The following CAST variants were observed in gnomAD, a reference collection of about 807,000 sequenced individuals.
The protein encoded by CAST is MIR583 host.
CAST carries 76 observed loss-of-function variants against 119.6 expected under a neutral mutation model. The ratio of observed to expected loss-of-function variants is 0.64; its 90% CI spans 0.53 to 0.77. CAST has a LOEUF of 0.77. Ranked by LOEUF, CAST falls within the 30% of genes least tolerant of loss-of-function variation. The pLI, the probability that CAST is intolerant of heterozygous loss-of-function variation, is 0.00. For synonymous variants in CAST, 319 were observed against 331.6 expected (o/e 0.96, Z 0.41); for missense variants, 953 against 946.5 (o/e 1.01, Z -0.09).
the CAST span, among the ~76,000 whole-genome samples, chr5:95,974,736 G>A: frequency 2.0e-5 from 3 of 152,192 alleles, no homozygotes; most frequent in South Asian, 2.1e-4. Flanking sequence ...ACTCTGATAA[G>A]CTTATGAATA....
At chr5:96,571,268 C>T (rs370805250) in intron 1 of CAST, among the ~76,000 whole-genome samples, 1 of 152,168 alleles carries the variant, frequency 6.6e-6, no homozygotes, top group African/African-American at 2.4e-5. Context: ...GTCTCATAAA[C>T]CAATAGCCTA....
chr5:96,517,025 G>A, the CAST span, among the ~76,000 whole-genome samples: 1 of 152,142 alleles, frequency 6.6e-6, no homozygotes, highest in East Asian at 1.9e-4. Context: ...CCTGGTTTTA[G>A]CAGTTACAGT....
the CAST span, among the ~76,000 whole-genome samples, chr5:96,353,687 G>T: frequency 6.6e-6 from 1 of 152,158 alleles, no homozygotes. Flanking sequence ...AGTGCTTCTG[G>T]CTCTCAGGCC....
At chr5:96,450,502 C>T in the CAST span, among the ~76,000 whole-genome samples, 3 of 152,038 alleles carry the variant, frequency 2.0e-5, no homozygotes, top group African/African-American at 4.8e-5. Flanking sequence ...GTACATTATT[C>T]GAGTGATGGA....
the CAST span, among the ~76,000 whole-genome samples, chr5:96,333,582 A>G: frequency 1.3e-5 from 2 of 151,974 alleles, no homozygotes; most frequent in African/African-American, 4.8e-5. Context: ...GGGGCCAGGG[A>G]CCAGGTCCAA....
At chr5:96,588,160 T>C (rs1477667682) in intron 1 of CAST, among the ~76,000 whole-genome samples, 2 of 151,000 alleles carry the variant, frequency 1.3e-5, no homozygotes, top group Admixed American at 6.6e-5. Flanking sequence ...ATAAGCCATG[T>C]TAAATTCATA....
the CAST span, among the ~76,000 whole-genome samples, chr5:96,175,777 A>G: frequency 6.6e-6 from 1 of 152,212 alleles, no homozygotes; most frequent in Non-Finnish European, 1.5e-5. Context: ...GAGATAGAGC[A>G]GTATGTTTAA....
the CAST span, among the ~76,000 whole-genome samples, chr5:96,362,766 G>T: frequency 1.8e-3 from 273 of 152,064 alleles, 1 homozygote; most frequent in African/African-American, 6.1e-3. Context: ...TGCAAAAATT[G>T]TCTCCCATTC....
the CAST span, among the ~76,000 whole-genome samples, chr5:96,349,146 T>C: frequency 6.9e-6 from 1 of 145,692 alleles, no homozygotes; most frequent in South Asian, 2.3e-4. Flanking sequence ...ACTATTTTTT[T>C]TTTTTTTTTT....
At chr5:96,249,610 A>T in the CAST span, among the ~76,000 whole-genome samples, 1 of 152,216 alleles carries the variant, frequency 6.6e-6, no homozygotes, top group Non-Finnish European at 1.5e-5. Flanking sequence ...CATTTCCAAA[A>T]CTAACTGAAA....
At chr5:96,312,307 T>A in the CAST span, among the ~76,000 whole-genome samples, 1 of 152,098 alleles carries the variant, frequency 6.6e-6, no homozygotes, top group Non-Finnish European at 1.5e-5. Context: ...GGTGTAAACT[T>A]AGTGCCAGAT....
At chr5:96,097,366 A>G in the CAST span, among the ~76,000 whole-genome samples, 6,171 of 150,082 alleles carry the variant, frequency 0.041, 354 homozygotes, top group African/African-American at 0.13. Flanking sequence ...TTAAGTTCAG[A>G]GGTACAAGTG....
chr5:96,441,606 A>C, the CAST span, among the ~76,000 whole-genome samples: 16 of 152,132 alleles, frequency 1.1e-4, no homozygotes, highest in Non-Finnish European at 1.2e-4. Flanking sequence ...CTCTAAACAC[A>C]TTTATTGAAA....
chr5:96,753,693 T>C (rs1196835120), intron 20 of CAST, among the ~76,000 whole-genome samples: 1 of 152,186 alleles, frequency 6.6e-6, no homozygotes, highest in Non-Finnish European at 1.5e-5. Context: ...TCTGAAAATC[T>C]TTCCTGTGCC....
chr5:96,133,174 A>G, the CAST span, among the ~76,000 whole-genome samples: 1 of 152,200 alleles, frequency 6.6e-6, no homozygotes, highest in African/African-American at 2.4e-5. Flanking sequence ...TAAAGTAGAA[A>G]AGAATAATAT....
the CAST span, among the ~76,000 whole-genome samples, chr5:96,317,340 G>T: frequency 6.6e-6 from 1 of 150,674 alleles, no homozygotes; most frequent in Non-Finnish European, 1.5e-5. Context: ...AGCTGGGCAT[G>T]GTGGTGCACT....
At chr5:96,658,832 G>A (rs2150206262), upstream of CAST, among the ~76,000 whole-genome samples, 1 of 152,314 alleles carries the variant, frequency 6.6e-6, no homozygotes, top group Middle Eastern at 3.4e-3. Flanking sequence ...GAGGTATGCA[G>A]TCCATAAGTG....
Position 96,695,894 on chromosome 5 carries a change from C to T in CAST, c.197C>T (p.Ala66Val). 1 of 1,611,976 alleles carries T rather than the reference C, an allele frequency of 6.2e-7. No individual in the cohort carries two copies. Among genetic ancestry groups the T allele is most frequent in the Non-Finnish European group, 8.5e-7 (1 of 1,178,418 alleles). Residue 66 changes from alanine (A) to valine (V), a missense_variant, in exon 3 of 32, where the codon GCC becomes GTC. By Grantham distance (64) the Ala-to-Val change is moderately conservative. Transcript: ENST00000675179. Reference sequence around the variant, plus strand: ...TCCAGAACCTATGCTGGTGGAACAGCCTCGGCCACCAAGGTCAGTGATTTC... The same window carrying T: ...TCCAGAACCTATGCTGGTGGAACAGTCTCGGCCACCAAGGTCAGTGATTTC... ...QSSRTYAGGT[A>V]SATKVSASSG...
the CAST span, among the ~76,000 whole-genome samples, chr5:96,008,157 T>C: frequency 3.9e-5 from 6 of 152,304 alleles, no homozygotes; most frequent in African/African-American, 1.2e-4. Flanking sequence ...TATTTTGTTA[T>C]AGCAACCTGA....
Sources: allele counts gnomAD v4.1 joint callset (sites outside exome capture counted in the v4.1 genomes callset), GRCh38; gene constraint gnomAD v4.1.1; transcripts MANE v1.5; gene names NCBI Gene and HGNC (gene_info 2026-07-23, HGNC 2026-07-21).